The following MYZAP variants were observed in gnomAD, a reference collection of about 807,000 sequenced individuals.
MYZAP encodes GRINL1A complex locus upstream.
Under a neutral mutation model 69.4 loss-of-function variants are expected in MYZAP, and 66 were observed. The ratio of observed to expected loss-of-function variants is 0.95; its 90% CI spans 0.78 to 1.17. The LOEUF (loss-of-function observed/expected upper bound fraction) is 1.17. Ranked by LOEUF, MYZAP falls within the 50% of genes most tolerant of loss-of-function variation. The pLI, the probability that MYZAP is intolerant of heterozygous loss-of-function variation, is 0.00. For synonymous variants in MYZAP, 256 were observed against 205.9 expected, an observed-to-expected ratio of 1.24 and a Z score of -2.09; for missense variants, 611 against 556.2, an observed-to-expected ratio of 1.10 and a Z score of -0.99.
At chr15:57,633,788 C>CT (rs2036651819) in intron 8 of MYZAP, 47 bp downstream of exon 8, 4 of 1,454,652 alleles carry the variant, frequency 2.7e-6, no homozygotes, top group Non-Finnish European at 3.6e-6. Flanking sequence ...AAACTTTTCC[C>CT]TGTAGGTCCA....
chr15:57,609,196 A>G (rs989654441), intron 2 of MYZAP, among the ~76,000 whole-genome samples: 1 of 152,228 alleles, frequency 6.6e-6, no homozygotes, highest in Non-Finnish European at 1.5e-5. Flanking sequence ...TGCCTTGCAC[A>G]TAGTAGGTGC....
intron 10 of MYZAP, among the ~76,000 whole-genome samples, chr15:57,645,272 G>A (rs2140486038): frequency 6.6e-6 from 1 of 152,256 alleles, no homozygotes; most frequent in East Asian, 1.9e-4. Context: ...TTCCTTGGGG[G>A]AAACAAACTG....
intron 7 of MYZAP, 84 bp from the exon 8 acceptor site, chr15:57,633,529 C>A: frequency 1.4e-6 from 2 of 1,411,010 alleles, no homozygotes; most frequent in Non-Finnish European, 9.3e-7. Flanking sequence ...AAATCGTGAT[C>A]TAGCAAGGCC....
In MYZAP at chr15:57,632,559, G is replaced by GGT. The variant is rs1280766777; in HGVS notation, c.804+9_804+10dup. The GGT allele has an allele frequency of 1.2e-6, 2 of 1,613,940 alleles. No individual in the cohort carries two copies. Among genetic ancestry groups the GGT allele is most frequent in the East Asian group, 2.2e-5 (1 of 44,880 alleles). On this transcript the variant is annotated frameshift_variant and splice_region_variant. Transcript: ENST00000267853. LOFTEE classifies it high-confidence loss of function. Reference sequence around the variant, plus strand: ...ACAGTGCTGAGAAGGAGGCTCTTTTGGTGTGTGTGTTGTAGCTGCCGATGT... The same window carrying GGT: ...ACAGTGCTGAGAAGGAGGCTCTTTTGGTGTGTGTGTGTTGTAGCTGCCGATGT...
chr15:57,654,101 A>G (rs972156524), intron 10 of MYZAP, among the ~76,000 whole-genome samples: 2 of 149,070 alleles, frequency 1.3e-5, no homozygotes, highest in African/African-American at 4.9e-5. Flanking sequence ...CATTTTCCTA[A>G]GCTGTGACCA....
chr15:57,593,214 A>ACACACACACACACACACACACACACACCC (rs1172761785), intron 1 of MYZAP, among the ~76,000 whole-genome samples: 1 of 141,346 alleles, frequency 7.1e-6, no homozygotes, highest in African/African-American at 2.8e-5. Flanking sequence ...ACACACACAC[A>ACACACACACACACACACACACACACACCC]CCCCAGAATC....
At chr15:57,678,621 G>C (rs1382755076) in intron 12 of MYZAP, among the ~76,000 whole-genome samples, 1 of 151,860 alleles carries the variant, frequency 6.6e-6, no homozygotes, top group Non-Finnish European at 1.5e-5. Context: ...GTATGCATTG[G>C]GCTCTTCAGT....
At chr15:57,595,162 A>G (rs1343277872) in intron 1 of MYZAP, among the ~76,000 whole-genome samples, 2 of 152,068 alleles carry the variant, frequency 1.3e-5, no homozygotes, top group African/African-American at 2.4e-5. Context: ...TGCAATTTGT[A>G]TTTCCTTCTT....
At chr15:57,611,379 G>T (rs1276335042) in intron 2 of MYZAP, among the ~76,000 whole-genome samples, 1 of 152,184 alleles carries the variant, frequency 6.6e-6, no homozygotes, top group African/African-American at 2.4e-5. Context: ...TATCAGTCAA[G>T]GTTACCGAAG....
chr15:57,625,776 C>T lies in MYZAP; in HGVS notation c.412-3C>T, dbSNP rs756342308. ...TGTGTGACTGTCTCCTCGATCTGTC[C>T]AGGTTTCCCATGCTCAGCAGGAGTA... On this transcript the variant is annotated splice_polypyrimidine_tract_variant and splice_region_variant and intron_variant, in intron 4 of 12. Coordinates refer to ENST00000267853, the MANE Select transcript of MYZAP (RefSeq NM_001018100.5). The T allele has an allele frequency of 1.9e-6, 3 of 1,613,988 alleles. No homozygotes were observed. The highest frequency in any genetic ancestry group is 1.7e-5 in the Admixed American group (1 of 60,008).
chr15:57,616,041 C>G (rs1024779999), intron 2 of MYZAP, among the ~76,000 whole-genome samples: 9 of 152,228 alleles, frequency 5.9e-5, no homozygotes, highest in African/African-American at 2.2e-4. Flanking sequence ...CCTACCCCAT[C>G]CATGGTTCCT....
At chr15:57,672,713 C>A (rs2140615416) in intron 11 of MYZAP, among the ~76,000 whole-genome samples, 1 of 152,336 alleles carries the variant, frequency 6.6e-6, no homozygotes, top group East Asian at 1.9e-4. Context: ...TCATTAATAA[C>A]TTCTACACAC....
At chr15:57,672,153 G>T (rs2038896816) in intron 11 of MYZAP, among the ~76,000 whole-genome samples, 1 of 152,144 alleles carries the variant, frequency 6.6e-6, no homozygotes, top group Non-Finnish European at 1.5e-5. Flanking sequence ...CTGTATACAA[G>T]AATTTAGTGT....
chr15:57,668,894 A>ATATATATATATATTT (rs1252525814), intron 11 of MYZAP, among the ~76,000 whole-genome samples: 19 of 62,592 alleles, frequency 3.0e-4, no homozygotes, highest in Admixed American at 2.2e-3. Flanking sequence ...ATATATATAT[A>ATATATATATATATTT]TTTTTTTTTT....
chr15:57,614,088 A>G (rs966992891), intron 2 of MYZAP, among the ~76,000 whole-genome samples: 2 of 152,232 alleles, frequency 1.3e-5, no homozygotes, highest in Non-Finnish European at 2.9e-5. Context: ...TTTTCTGGGT[A>G]TACATGTTGT....
chr15:57,610,222 A>T (rs2140354120), intron 2 of MYZAP, among the ~76,000 whole-genome samples: 1 of 152,338 alleles, frequency 6.6e-6, no homozygotes, highest in East Asian at 1.9e-4. Context: ...TGAGAGAGAG[A>T]GCAGATGCGT....
intron 5 of MYZAP, among the ~76,000 whole-genome samples, chr15:57,627,250 C>A (rs541171334): frequency 6.6e-6 from 1 of 152,144 alleles, no homozygotes; most frequent in Admixed American, 6.5e-5. Context: ...TGAGCTGGGC[C>A]AGCTCTGACC....
In MYZAP at chr15:57,625,848, A is replaced by T; in HGVS notation, c.481A>T (p.Asn161Tyr). The T allele has an allele frequency of 1.2e-6, 2 of 1,614,168 alleles. No individual in the cohort carries two copies. The highest frequency in any genetic ancestry group is 1.7e-6 in the Non-Finnish European group (2 of 1,180,034). Reference protein sequence around the residue: ...QTQSSALDRFNAMNSALASDS... With the variant: ...QTQSSALDRFYAMNSALASDS... ...CCAGTCGTCTGCCCTGGATCGTTTT[A>T]ATGCCATGAACTCAGCCTTGGCATC... is the stretch of plus-strand genomic sequence containing the variant. Residue 161 changes from asparagine to tyrosine, a missense_variant, in exon 5 of 13, where the codon AAT (asparagine) becomes TAT (tyrosine). By Grantham distance (143) the Asn-to-Tyr change is moderately radical (BLOSUM62 -2). Transcript: ENST00000267853.
chr15:57,621,078 T>TTA (rs1410710257), intron 3 of MYZAP, among the ~76,000 whole-genome samples: 50 of 147,948 alleles, frequency 3.4e-4, no homozygotes, highest in Admixed American at 1.5e-3. Flanking sequence ...CATAATAAAA[T>TTA]TATATATATA....
Sources: allele counts gnomAD v4.1 joint callset (sites outside exome capture counted in the v4.1 genomes callset), GRCh38; gene constraint gnomAD v4.1.1; transcripts MANE v1.5; gene names NCBI Gene and HGNC (gene_info 2026-07-23, HGNC 2026-07-21).